Variants in FAM161A observed in about 807,000 individuals in gnomAD.
FAM161A encodes FAM161 centrosomal protein A, also known as protein FAM161A.
A neutral mutation model predicts 70.9 loss-of-function variants in FAM161A; 57 were observed. The ratio of observed to expected loss-of-function variants is 0.80; its 90% CI spans 0.65 to 1.00. FAM161A has a LOEUF of 1.00. Among genes scored for constraint, FAM161A ranks in the 50% least tolerant of loss-of-function variants. The pLI is 0.00. For synonymous variants in FAM161A, 299 were observed against 295.7 expected (o/e 1.01, Z -0.12); for missense variants, 880 against 836.0 (o/e 1.05, Z -0.65).
chr2:61,811,624 C>T, the FAM161A span, among the ~76,000 whole-genome samples: 2 of 152,128 alleles, frequency 1.3e-5, no homozygotes, highest in Non-Finnish European at 2.9e-5. Flanking sequence ...CTGCCTACCT[C>T]GGCCTCCCAA....
chr2:61,851,479 C>A (rs759523164), intron 1 of FAM161A, among the ~76,000 whole-genome samples: 3 of 152,126 alleles, frequency 2.0e-5, no homozygotes, highest in Non-Finnish European at 2.9e-5. Flanking sequence ...GGATTACAGG[C>A]GCGTGCCACC....
intron 3 of FAM161A, 39 bp downstream of exon 3, chr2:61,839,382 C>T: frequency 6.3e-7 from 1 of 1,592,042 alleles, no homozygotes; most frequent in Non-Finnish European, 8.6e-7. Flanking sequence ...ACTCATCTGG[C>T]AACCATGAGT....
At chr2:61,801,322 C>T in the FAM161A span, among the ~76,000 whole-genome samples, 1 of 151,186 alleles carries the variant, frequency 6.6e-6, no homozygotes, top group Non-Finnish European at 1.5e-5. Context: ...ATAGTGAAAC[C>T]CGGTCTCTAC....
the FAM161A span, among the ~76,000 whole-genome samples, chr2:61,810,215 A>C: frequency 9.2e-5 from 14 of 152,258 alleles, no homozygotes; most frequent in Non-Finnish European, 1.8e-4. Context: ...ACAAGTGAGG[A>C]AATAATAGAA....
chr2:61,851,084 C>T (rs1400385843), intron 1 of FAM161A, among the ~76,000 whole-genome samples: 4 of 151,686 alleles, frequency 2.6e-5, no homozygotes, highest in Non-Finnish European at 5.9e-5. Flanking sequence ...ATGTTGGTCA[C>T]GCTGGTCTTG....
At chr2:61,808,180 A>G in the FAM161A span, among the ~76,000 whole-genome samples, 2 of 152,224 alleles carry the variant, frequency 1.3e-5, no homozygotes, top group Admixed American at 6.5e-5. Context: ...TTATCTTTTC[A>G]AAAGAAGTAT....
downstream of FAM161A, among the ~76,000 whole-genome samples, chr2:61,823,788 C>A (rs549032293): frequency 4.6e-5 from 7 of 151,928 alleles, no homozygotes; most frequent in South Asian, 1.5e-3. Context: ...ATAGGGTACC[C>A]AGTAATATTA....
downstream of FAM161A, chr2:61,820,229 A>G (rs1218010721): frequency 5.0e-6 from 3 of 604,744 alleles, no homozygotes; most frequent in African/African-American, 1.8e-5. Context: ...TAAACAGCCA[A>G]GCAGCTGTGG....
chr2:61,820,106 T>A (rs1247650817), downstream of FAM161A: 9 of 400,224 alleles, frequency 2.2e-5, no homozygotes, highest in East Asian at 3.3e-4. Context: ...CCTCTTAAAT[T>A]AGGAATTGTG....
At chr2:61,805,705 C>G in the FAM161A span, among the ~76,000 whole-genome samples, 3 of 152,220 alleles carry the variant, frequency 2.0e-5, no homozygotes, top group East Asian at 3.9e-4. Context: ...CAGTCCTGTA[C>G]CAGGCACAGG....
chr2:61,853,671 T>C (rs1673574412), intron 1 of FAM161A, among the ~76,000 whole-genome samples, 188 bp downstream of exon 1: 1 of 152,220 alleles, frequency 6.6e-6, no homozygotes, highest in Non-Finnish European at 1.5e-5. Context: ...AAAACACTTT[T>C]CAACGCCTCG....
the FAM161A span, among the ~76,000 whole-genome samples, chr2:61,807,693 G>A: frequency 8.1e-5 from 12 of 147,252 alleles, no homozygotes; most frequent in African/African-American, 3.0e-4. Flanking sequence ...AGGCTGGAGT[G>A]CAGTGGCGTG....
chr2:61,836,341 C>T (rs908635789), intron 4 of FAM161A: 12 of 465,646 alleles, frequency 2.6e-5, no homozygotes, highest in Non-Finnish European at 4.6e-5. Flanking sequence ...TCTGAGATCA[C>T]ACATATTATG....
intron 1 of FAM161A, among the ~76,000 whole-genome samples, chr2:61,846,140 G>A (rs1173674712): frequency 6.7e-6 from 1 of 150,200 alleles, no homozygotes; most frequent in Middle Eastern, 3.2e-3. Flanking sequence ...GGATCACAGA[G>A]TGTTTATGGG....
At chr2:61,822,467 T>C (rs538856251), downstream of FAM161A, among the ~76,000 whole-genome samples, 1 of 152,288 alleles carries the variant, frequency 6.6e-6, no homozygotes, top group East Asian at 1.9e-4. Context: ...TGACAAAAAC[T>C]TCATTTCACA....
chr2:61,836,849 C>T, intron 4 of FAM161A: 1 of 250,194 alleles, frequency 4.0e-6, no homozygotes, highest in South Asian at 4.0e-5. Flanking sequence ...GCTGGGATTA[C>T]AGGCATGAGC....
intron 4 of FAM161A, 85 bp from the exon 5 acceptor site, chr2:61,836,194 G>T: frequency 2.1e-6 from 2 of 956,156 alleles, no homozygotes; most frequent in Non-Finnish European, 3.3e-6. Context: ...TTATCAACTT[G>T]TACAAAGTCA....
intron 4 of FAM161A, among the ~76,000 whole-genome samples, chr2:61,837,359 C>T (rs1358424637): frequency 6.6e-6 from 1 of 152,168 alleles, no homozygotes; most frequent in African/African-American, 2.4e-5. Context: ...TTAAACTACA[C>T]TATTTTCTCT....
intron 5 of FAM161A, among the ~76,000 whole-genome samples, chr2:61,831,779 C>CA (rs1016225401): frequency 5.3e-5 from 8 of 152,022 alleles, no homozygotes; most frequent in African/African-American, 1.9e-4. Context: ...AGCAACCTCT[C>CA]AAAAAACATT....
Sources: allele counts gnomAD v4.1 joint callset (sites outside exome capture counted in the v4.1 genomes callset), GRCh38; gene constraint gnomAD v4.1.1; transcripts MANE v1.5; gene names NCBI Gene and HGNC (gene_info 2026-07-23, HGNC 2026-07-21).